DCLRE1C: variants seen among roughly 807,000 people sequenced by gnomAD.
DCLRE1C encodes DNA cross-link repair 1C, also known as protein artemis.
A neutral mutation model predicts 61.4 loss-of-function variants in DCLRE1C; 47 were observed. That is an observed-to-expected ratio of 0.77 (90% CI 0.61 to 0.98). DCLRE1C has a LOEUF of 0.98. Ranked by LOEUF, DCLRE1C falls within the 50% of genes least tolerant of loss-of-function variation. DCLRE1C has a pLI of 0.00. For missense variants in DCLRE1C, 858 were observed against 816.0 expected, an observed-to-expected ratio of 1.05 and a Z score of -0.63; for synonymous variants, 337 against 287.6, an observed-to-expected ratio of 1.17 and a Z score of -1.74.
intron 9 of DCLRE1C, among the ~76,000 whole-genome samples, chr10:14,929,730 A>C (rs1178173792): frequency 1.3e-5 from 2 of 152,240 alleles, no homozygotes; most frequent in Non-Finnish European, 2.9e-5. Context: ...AAAGGTTGAA[A>C]AAAAATGGGA....
At chr10:14,944,084 G>A (rs1399822386) in intron 3 of DCLRE1C, among the ~76,000 whole-genome samples, 14 of 151,982 alleles carry the variant, frequency 9.2e-5, no homozygotes, top group Non-Finnish European at 1.3e-4. Context: ...CCTTCCTTAT[G>A]ACAGCCTGTA....
chr10:14,900,789 A>T (rs1833952755), downstream of DCLRE1C, among the ~76,000 whole-genome samples: 1 of 152,158 alleles, frequency 6.6e-6, no homozygotes, highest in Admixed American at 6.5e-5. Context: ...TGAAATAGTT[A>T]CCAGTGAAAT....
At chr10:14,943,053 T>G (rs1253413874) in intron 3 of DCLRE1C, among the ~76,000 whole-genome samples, 1 of 152,034 alleles carries the variant, frequency 6.6e-6, no homozygotes, top group East Asian at 1.9e-4. Context: ...CTTGAACCGG[T>G]TAGATGGAGG....
downstream of DCLRE1C, chr10:14,899,800 T>C (rs188371957): frequency 2.3e-3 from 2,923 of 1,289,990 alleles, 6 homozygotes; most frequent in Non-Finnish European, 2.8e-3. Flanking sequence ...TTCCAAAATA[T>C]GTATTTTATA....
intron 13 of DCLRE1C, among the ~76,000 whole-genome samples, chr10:14,915,760 T>G (rs569988865): frequency 8.6e-5 from 13 of 152,034 alleles, no homozygotes; most frequent in African/African-American, 3.1e-4. Context: ...TTCCAGAGAC[T>G]GAGAATAAAC....
rs189366776 is a variant in DCLRE1C, at chr10:14,909,525, C to T, written c.1157-195G>A. On this transcript the variant is annotated intron_variant, in intron 13 of 13. Coordinates refer to ENST00000378278, the MANE Select transcript of DCLRE1C (RefSeq NM_001033855.3). ...CTTTTTATAATAAATGCCAGAGTAT[C>T]AGTGGAGAATATAGAGCAGTCACTC... 8.8e-4 allele frequency among the ~76,000 whole-genome samples: 133 copies of T among 151,084 alleles called. No individual in the cohort carries two copies. In the Middle Eastern group the frequency reaches 0.024, roughly 27 times the overall value.
At chr10:14,911,431 T>G (rs1172961514) in intron 13 of DCLRE1C, 2 of 152,146 alleles carry the variant, frequency 1.3e-5, no homozygotes, top group African/African-American at 2.4e-5. Flanking sequence ...CCCAAAATTA[T>G]GCAGGACCTA....
rs765730796 is a variant in DCLRE1C, at chr10:14,905,725, C to T, written c.*2683G>A. ...TTCGGCTGGACACGGTAGCTGACGC[C>T]TGTAATCCCAGCACTTTGGGAGGCC... On this transcript the variant is annotated 3_prime_UTR_variant, in exon 14 of 14. Transcript: ENST00000378278. Among the ~76,000 whole-genome samples the T allele has an allele frequency of 1.3e-5, 2 of 152,194 alleles. No homozygotes were observed. Among genetic ancestry groups the T allele is most frequent in the Non-Finnish European group, 2.9e-5 (2 of 68,024 alleles).
rs1834597217 is a variant in DCLRE1C at position 14,908,045 on chromosome 10, G to T, written c.*363C>A. 2 of 190,184 alleles carry T rather than the reference G, an allele frequency of 1.1e-5. No homozygotes were observed. The highest frequency in any genetic ancestry group is 2.1e-5 in the Non-Finnish European group (2 of 94,062). 11.8% of individuals were successfully genotyped at this position (190,184 alleles called of 1,614,324 possible). On this transcript the variant is annotated 3_prime_UTR_variant, in exon 14 of 14. Transcript: ENST00000378278. ...CCTGGCCTTTTTCTTTTTTAAACAG[G>T]GTCTTGCTCTGTCACCCAGACTAGA...
chr10:14,923,238 T>C (rs1478707378), intron 11 of DCLRE1C, 169 bp from the exon 12 acceptor site: 20 of 619,142 alleles, frequency 3.2e-5, no homozygotes, highest in South Asian at 3.2e-4. Context: ...AAATATCCAA[T>C]GCCTGGGCCT....
rs763227813 is a variant in DCLRE1C, at chr10:14,934,725, C to T, written c.515G>A (p.Arg172Lys). Residue 172 changes from arginine (R) to lysine (K), a missense_variant, in exon 7 of 14, where the codon AGA becomes AAA. Arg to Lys is a conservative substitution (Grantham distance 26). Around this residue, in one of 2 missense-constraint regions of DCLRE1C, gnomAD observed 843 missense variants for 783.5 expected, o/e 1.08. Transcript: ENST00000378278. ...VYLDTTFCDP[R>K]FYQIPSREEC... ...TACCCGACTTGGAATTTGGTAAAAT[C>T]TTGGATCACAGAACGTAGTATCCAA... 2 of 1,614,022 alleles carry T rather than the reference C, an allele frequency of 1.2e-6. No homozygotes were observed. The highest frequency in any genetic ancestry group is 1.7e-6 in the Non-Finnish European group (2 of 1,179,948).
intron 2 of DCLRE1C, 24 bp downstream of exon 2, chr10:14,949,012 A>G: frequency 6.4e-7 from 1 of 1,572,786 alleles, no homozygotes; most frequent in South Asian, 1.1e-5. Flanking sequence ...TTTGCTTAAA[A>G]ACACAAGTAG....
rs1375302352 is a variant in DCLRE1C at position 14,919,942 on chromosome 10, C to A, written c.1062-110G>T. 3 of 865,182 alleles carry A rather than the reference C, an allele frequency of 3.5e-6. No individual in the cohort carries two copies. In the East Asian group the frequency reaches 7.8e-5, roughly 23 times the overall value. The allele number at this position is 865,182 out of a possible 1,614,324, so 53.6% of individuals were successfully genotyped here. On this transcript the variant is annotated intron_variant, in intron 12 of 13. Coordinates refer to ENST00000378278, the MANE Select transcript of DCLRE1C (RefSeq NM_001033855.3). ...GATTTTGTTTTTTAATTTCTTGGAT[C>A]CCTGTTTTTAACAAAATCTTGACCA...
rs1433504462 is a variant in DCLRE1C at position 14,923,326 on chromosome 10, T to C, written c.973-257A>G. The C allele has an allele frequency of 2.0e-5, 9 of 442,054 alleles. 1 individual carries two copies. Among genetic ancestry groups the C allele is most frequent in the Admixed American group, 3.6e-5 (1 of 27,710 alleles). The allele number at this position is 442,054 out of a possible 1,614,324, so 27.4% of individuals were successfully genotyped here. ...CATTTAAATATTCCCCAGGTGATTC[T>C]GATCCACAGTAAGAGCTGAGAATCA... On this transcript the variant is annotated intron_variant, in intron 11 of 13. Transcript: ENST00000378278.
At chr10:14,912,389 T>C (rs1835404276) in intron 13 of DCLRE1C, among the ~76,000 whole-genome samples, 1 of 152,066 alleles carries the variant, frequency 6.6e-6, no homozygotes, top group African/African-American at 2.4e-5. Context: ...TGTTATTTTC[T>C]TAGGGCAGCC....
chr10:14,921,110 A>G (rs41299696), intron 12 of DCLRE1C, among the ~76,000 whole-genome samples: 79 of 152,208 alleles, frequency 5.2e-4, no homozygotes, highest in African/African-American at 1.7e-3. Flanking sequence ...CGAGAGGTCA[A>G]GAGATCAAGA....
chr10:14,931,133 C>T (rs1032519333), intron 9 of DCLRE1C, among the ~76,000 whole-genome samples: 2 of 152,186 alleles, frequency 1.3e-5, no homozygotes, highest in African/African-American at 4.8e-5. Flanking sequence ...ATAATGATCA[C>T]TCAAACCACT....
rs191656889 is a variant in DCLRE1C, at chr10:14,914,801, A to G, written c.1156+4937T>C. On this transcript the variant is annotated intron_variant, in intron 13 of 13. Transcript: ENST00000378278. ...TAAAAATACAAAACATTAGCCAGGT[A>G]TGGTGGCGTGAGCCTGTAATTCCAG... Among the ~76,000 whole-genome samples the G allele has an allele frequency of 7.2e-5, 11 of 152,262 alleles. No individual in the cohort carries two copies. The East Asian group carries it at 1.7e-3, about 24-fold the overall frequency.
At chr10:14,917,358 C>CA (rs552370686) in intron 13 of DCLRE1C, among the ~76,000 whole-genome samples, 5 of 150,556 alleles carry the variant, frequency 3.3e-5, no homozygotes, top group East Asian at 3.9e-4. Context: ...AGATATGATA[C>CA]AAAAAAAAGT....
Sources: allele counts gnomAD v4.1 joint callset (sites outside exome capture counted in the v4.1 genomes callset), GRCh38; gene constraint gnomAD v4.1.1; regional missense constraint gnomAD v4.1.1; transcripts MANE v1.5; gene names NCBI Gene and HGNC (gene_info 2026-07-23, HGNC 2026-07-21).